Variants in TRPM2 observed in about 807,000 individuals in gnomAD.
TRPM2 encodes estrogen-responsive element-associated gene 1 protein.
In TRPM2, 161 loss-of-function variants were observed where a neutral mutation model predicts 174.0. The ratio of observed to expected loss-of-function variants is 0.93; its 90% CI spans 0.81 to 1.05. The LOEUF (loss-of-function observed/expected upper bound fraction) is 1.05, where lower values mean the gene tolerates loss of function less well. Among genes scored for constraint, TRPM2 ranks in the 50% least tolerant of loss-of-function variants. The pLI is 0.00. For synonymous variants in TRPM2, 954 were observed against 861.3 expected (o/e 1.11, Z -1.88); for missense variants, 2,057 against 2,038.0 (o/e 1.01, Z -0.18).
At chr21:44,378,463 T>C (rs1379872685) in intron 7 of TRPM2, among the ~76,000 whole-genome samples, 1 of 152,210 alleles carries the variant, frequency 6.6e-6, no homozygotes, top group Admixed American at 6.5e-5. Context: ...CATAGAGCAC[T>C]GGGTCCTCAC....
intron 13 of TRPM2, among the ~76,000 whole-genome samples, chr21:44,398,117 T>C (rs1024066318): frequency 2.6e-5 from 4 of 152,048 alleles, no homozygotes; most frequent in African/African-American, 9.7e-5. Context: ...GAGATTGCAA[T>C]AGAGAAAGAG....
intron 5 of TRPM2, among the ~76,000 whole-genome samples, chr21:44,374,732 C>G (rs879632574): frequency 2.0e-5 from 3 of 152,144 alleles, no homozygotes; most frequent in Non-Finnish European, 4.4e-5. Flanking sequence ...GTCACACACA[C>G]GATGGGGAGC....
chr21:44,357,880 C>T (rs1055204081), intron 2 of TRPM2, among the ~76,000 whole-genome samples: 2 of 152,186 alleles, frequency 1.3e-5, no homozygotes, highest in Admixed American at 6.5e-5. Flanking sequence ...CTCATCTCAC[C>T]AACCACGGTG....
chr21:44,423,967 G>A (rs191581149), intron 23 of TRPM2, among the ~76,000 whole-genome samples: 14 of 152,308 alleles, frequency 9.2e-5, no homozygotes, highest in African/African-American at 2.4e-4. Flanking sequence ...CTCCACGGCC[G>A]GGCTGTGCTC....
At chr21:44,408,609 G>T (rs528005409) in intron 19 of TRPM2, among the ~76,000 whole-genome samples, 1 of 149,778 alleles carries the variant, frequency 6.7e-6, no homozygotes, top group Non-Finnish European at 1.5e-5. Context: ...TAACCTCGTC[G>T]TCTGTAAGTC....
At chr21:44,357,991 G>A (rs973506867) in intron 2 of TRPM2, among the ~76,000 whole-genome samples, 6 of 152,206 alleles carry the variant, frequency 3.9e-5, no homozygotes, top group Non-Finnish European at 8.8e-5. Flanking sequence ...AGACCAGGGC[G>A]GAACGAGTGG....
intron 27 of TRPM2, among the ~76,000 whole-genome samples, chr21:44,434,378 T>C (rs116021110): frequency 0.047 from 6,546 of 137,958 alleles, 237 homozygotes; most frequent in African/African-American, 0.11. Context: ...GACACTGGTG[T>C]TGGGAACGCT....
At position 44,418,065 on chromosome 21, in the gene TRPM2, G is replaced by T; in HGVS notation, c.3285G>T (p.Lys1095Asn). Reference sequence around the variant, plus strand: ...TCAGCCACCTGCAGCTCTTCATCAAGAGGGTGGTCCTGAAGACTCCGGCCA... The same window carrying T: ...TCAGCCACCTGCAGCTCTTCATCAATAGGGTGGTCCTGAAGACTCCGGCCA... ...ILLSHLQLFI[K>N]RVVLKTPAKR... Residue 1095 changes from lysine (K) to asparagine (N), a missense_variant, in exon 21 of 32, where the codon AAG becomes AAT. Coordinates refer to ENST00000397928, the MANE Select transcript of TRPM2 (RefSeq NM_003307.4). 6.2e-7 allele frequency: 1 copy of T among 1,613,132 alleles called. No homozygotes were observed.
intron 27 of TRPM2, among the ~76,000 whole-genome samples, chr21:44,433,732 G>T (rs2051117799): frequency 6.6e-6 from 1 of 152,200 alleles, no homozygotes; most frequent in Non-Finnish European, 1.5e-5. Context: ...AGGCCCCCCG[G>T]CCACAGAGGA....
At chr21:44,434,096 G>A (rs750169303) in intron 27 of TRPM2, among the ~76,000 whole-genome samples, 1 of 152,182 alleles carries the variant, frequency 6.6e-6, no homozygotes, top group Admixed American at 6.5e-5. Context: ...CGCAGACTCA[G>A]GAGGATGGAG....
intron 27 of TRPM2, among the ~76,000 whole-genome samples, chr21:44,434,765 A>T (rs957230710): frequency 6.6e-6 from 1 of 152,098 alleles, no homozygotes; most frequent in Admixed American, 6.5e-5. Flanking sequence ...GATGGAGGCC[A>T]TGCTCTCGCG....
intron 22 of TRPM2, among the ~76,000 whole-genome samples, chr21:44,421,107 T>C (rs534858688): frequency 7.9e-4 from 120 of 152,128 alleles, no homozygotes; most frequent in Admixed American, 1.6e-3. Flanking sequence ...ATCACAAGGT[T>C]AGGAGATCAA....
In TRPM2 at chr21:44,391,570, C is replaced by G. The variant is rs779968378; in HGVS notation, c.1739C>G (p.Pro580Arg). ...TTCACGCAGCCGCTTTATCCCCGGC[C>G]CCGGCACAACGACCGGCTGCGGCTC... ...GDFTQPLYPR[P>R]RHNDRLRLLL... The change falls in exon 11 of 32, where the codon CCC becomes CGC. Residue 580 changes from proline (P) to arginine (R), a missense_variant. Pro to Arg is a moderately radical substitution (Grantham distance 103). Coordinates refer to ENST00000397928, the MANE Select transcript of TRPM2 (RefSeq NM_003307.4). The surrounding 1 kb of genome is among the most constrained non-coding windows in gnomAD (Gnocchi z 5.0). The G allele has an allele frequency of 5.0e-6, 8 of 1,593,274 alleles. No individual in the cohort carries two copies. The Admixed American group carries it at 1.3e-4, about 27-fold the overall frequency.
chr21:44,413,521 G>A (rs1239318832), intron 19 of TRPM2, among the ~76,000 whole-genome samples: 3 of 152,184 alleles, frequency 2.0e-5, no homozygotes, highest in Admixed American at 1.3e-4. Flanking sequence ...GGGATTACAG[G>A]CATGAGCCAC....
At chr21:44,400,499 G>A in intron 15 of TRPM2, 128 bp downstream of exon 15, 2 of 819,178 alleles carry the variant, frequency 2.4e-6, no homozygotes, top group Non-Finnish European at 3.8e-6. Context: ...ATTGTCCCTG[G>A]ATCCTGGGGC....
chr21:44,440,029 C>T (rs1023723530), intron 30 of TRPM2, among the ~76,000 whole-genome samples: 2 of 151,388 alleles, frequency 1.3e-5, no homozygotes, highest in South Asian at 2.1e-4. Flanking sequence ...CCTTTATGGA[C>T]GCTCTTTATA....
upstream of TRPM2, chr21:44,353,541 G>A: frequency 2.3e-6 from 2 of 881,810 alleles, no homozygotes; most frequent in Non-Finnish European, 1.6e-6. Context: ...ACATGAGGAA[G>A]CATGTGGCCA....
At chr21:44,369,092 G>A in intron 4 of TRPM2, 85 bp from the exon 5 acceptor site, 3 of 1,397,218 alleles carry the variant, frequency 2.1e-6, no homozygotes, top group Non-Finnish European at 2.9e-6. Flanking sequence ...GCATCGCTGA[G>A]CCTAGAAGGG....
chr21:44,425,373 A>G (rs909694874), intron 24 of TRPM2: 48 of 417,942 alleles, frequency 1.1e-4, no homozygotes, highest in Non-Finnish European at 1.1e-4. Flanking sequence ...CCGGCCCTCA[A>G]GGAGCATATT....
Sources: gnomAD v4.1 joint callset for allele counts (sites outside exome capture counted in the v4.1 genomes callset) on GRCh38, gnomAD v4.1.1 for gene constraint, Gnocchi (gnomAD v3.1) non-coding constraint, MANE v1.5 for transcripts, NCBI Gene and HGNC (gene_info 2026-07-23, HGNC 2026-07-21) for gene names.